Variants in PDSS2 observed in about 807,000 individuals in gnomAD.
PDSS2 encodes decaprenyl diphosphate synthase subunit 2.
PDSS2 carries 31 observed loss-of-function variants against 44.5 expected under a neutral mutation model. The ratio of observed to expected loss-of-function variants is 0.70; its 90% CI spans 0.52 to 0.94. PDSS2 has a LOEUF of 0.94. Ranked by LOEUF, PDSS2 falls within the 40% of genes least tolerant of loss-of-function variation. The probability of loss-of-function intolerance (pLI) is 0.00; values close to 1 mark genes in which losing one functional copy is unlikely to be tolerated. For missense variants in PDSS2, 452 were observed against 482.2 expected, an observed-to-expected ratio of 0.94 and a Z score of 0.59; for synonymous variants, 157 against 180.3, an observed-to-expected ratio of 0.87 and a Z score of 1.03.
rs535371119 is a variant in PDSS2 at position 107,410,863 on chromosome 6, G to A, written c.296+48127C>T. ...TGTTTCCAATTGCACAGCATTCCAC[G>A]GTTTGATGTATCTACCATGGGTTAT... On this transcript the variant is annotated intron_variant, in intron 1 of 7. Transcript: ENST00000369037. Among the ~76,000 whole-genome samples, 12 of 151,450 alleles carry A rather than the reference G, an allele frequency of 7.9e-5. No homozygotes were observed. In the South Asian group the frequency reaches 2.5e-3, roughly 32 times the overall value.
intron 2 of PDSS2, among the ~76,000 whole-genome samples, chr6:107,322,989 C>T (rs1777430033): frequency 6.6e-6 from 1 of 152,210 alleles, no homozygotes; most frequent in South Asian, 2.1e-4. Flanking sequence ...ACACCACCCA[C>T]TTTCAGGAGT....
intron 2 of PDSS2, among the ~76,000 whole-genome samples, chr6:107,299,162 A>AAG (rs1554263681): frequency 6.7e-5 from 10 of 149,754 alleles, no homozygotes; most frequent in African/African-American, 2.5e-4. Context: ...AAAAAAAAAA[A>AAG]AAAAAAAGAA....
chr6:107,210,456 T>C lies in PDSS2; in HGVS notation c.991A>G (p.Ile331Val). The change falls in exon 6 of 8, where the codon ATT (isoleucine) becomes GTT (valine). Residue 331 changes from isoleucine (I) to valine (V), a missense_variant. Physicochemically the swap from Ile to Val is conservative, Grantham distance 29. Transcript: ENST00000369037. ...HQEFLGRDLWIKQIGEAQEKG... is the reference protein window; with the variant it reads ...HQEFLGRDLWVKQIGEAQEKG... ...CATTTTACCTCTCCGATCTGTTTAA[T>C]CCACAAATCTCTTCCAAGAAATTCC... 6.2e-7 allele frequency: 1 copy of C among 1,610,084 alleles called. No individual in the cohort carries two copies. Among genetic ancestry groups the C allele is most frequent in the Middle Eastern group, 1.7e-4 (1 of 6,054 alleles).
At chr6:107,167,642 G>C (rs140099834) in intron 7 of PDSS2, among the ~76,000 whole-genome samples, 3,417 of 152,274 alleles carry the variant, frequency 0.022, 129 homozygotes, top group African/African-American at 0.076. Context: ...TCTACACACT[G>C]CTTTAAATGT....
At chr6:107,344,528 T>C (rs948290505) in intron 1 of PDSS2, among the ~76,000 whole-genome samples, 6 of 152,122 alleles carry the variant, frequency 3.9e-5, no homozygotes, top group African/African-American at 1.4e-4. Context: ...ACATCCCACC[T>C]GCATTAAATC....
At chr6:107,302,769 G>A (rs1184124689) in intron 2 of PDSS2, among the ~76,000 whole-genome samples, 3 of 150,836 alleles carry the variant, frequency 2.0e-5, no homozygotes, top group South Asian at 4.2e-4. Flanking sequence ...TATGATAGCC[G>A]TCAACTGCAT....
chr6:107,391,122 AT>A (rs57755357), intron 1 of PDSS2, among the ~76,000 whole-genome samples: 152,050 of 152,054 alleles, frequency 1, 76,023 homozygotes, highest in Middle Eastern at 1. Flanking sequence ...TTTTGCTCAC[AT>A]TTTTATATTT....
At chr6:107,223,220 C>T (rs1411255511) in intron 4 of PDSS2, among the ~76,000 whole-genome samples, 2 of 150,844 alleles carry the variant, frequency 1.3e-5, no homozygotes, top group Admixed American at 6.6e-5. Context: ...TGAACCACTG[C>T]GCTCTACAAA....
chr6:107,326,962 C>T (rs1330812209), intron 2 of PDSS2, among the ~76,000 whole-genome samples: 1 of 152,116 alleles, frequency 6.6e-6, no homozygotes, highest in Non-Finnish European at 1.5e-5. Flanking sequence ...GAAATGCCAA[C>T]GATGACTTTA....
At chr6:107,419,311 G>C (rs1780756080) in intron 1 of PDSS2, among the ~76,000 whole-genome samples, 1 of 152,136 alleles carries the variant, frequency 6.6e-6, no homozygotes, top group Non-Finnish European at 1.5e-5. Context: ...TTAGCACTGA[G>C]AGTTGCATCC....
Position 107,154,506 on chromosome 6 carries a change from A to T in PDSS2, c.*113T>A. 1 of 958,170 alleles carries T rather than the reference A, an allele frequency of 1.0e-6. No homozygotes were observed. The highest frequency in any genetic ancestry group is 1.7e-6 in the Non-Finnish European group (1 of 604,940). The allele number at this position is 958,170 out of a possible 1,614,324, so 59.4% of individuals were successfully genotyped here. On this transcript the variant is annotated 3_prime_UTR_variant, in exon 8 of 8. Coordinates refer to ENST00000369037, the MANE Select transcript of PDSS2 (RefSeq NM_020381.4). ...ACTCATTTAGCAATGTGATAAAAGG[A>T]AGGAAAAATGCATATGTTTTAAAAG...
chr6:107,394,445 G>A (rs541908037), intron 1 of PDSS2, among the ~76,000 whole-genome samples: 3 of 152,184 alleles, frequency 2.0e-5, no homozygotes, highest in South Asian at 2.1e-4. Flanking sequence ...AGCAGGGGAG[G>A]GAGGAGGTGC....
chr6:107,446,313 T>A (rs1781677821), intron 1 of PDSS2, among the ~76,000 whole-genome samples: 1 of 146,684 alleles, frequency 6.8e-6, no homozygotes, highest in Admixed American at 6.8e-5. Context: ...AGACTCCATC[T>A]AAAAAAAAAA....
intron 4 of PDSS2, among the ~76,000 whole-genome samples, chr6:107,244,068 T>C (rs1774528443): frequency 6.6e-6 from 1 of 152,036 alleles, no homozygotes; most frequent in Non-Finnish European, 1.5e-5. Context: ...GCTGAGGTTG[T>C]GGTGAGCCGA....
chr6:107,240,396 AC>A (rs1289511756), intron 4 of PDSS2, among the ~76,000 whole-genome samples: 19 of 130,864 alleles, frequency 1.5e-4, no homozygotes, highest in Non-Finnish European at 1.6e-5. Context: ...GTGAGACCCT[AC>A]CTTTTTTTTT....
chr6:107,241,360 T>G (rs1774421614), intron 4 of PDSS2, among the ~76,000 whole-genome samples: 1 of 140,628 alleles, frequency 7.1e-6, no homozygotes. Flanking sequence ...TTTTTTTTTT[T>G]TTTTTGAGAC....
In PDSS2 at chr6:107,173,572, C is replaced by CAAAAAAAAAAAAAAAAAAAAAAAAAAAAA. The variant is rs71012783; in HGVS notation, c.1042-18796_1042-18795insTTTTTTTTTTTTTTTTTTTTTTTTTTTTT. 1.4e-4 allele frequency among the ~76,000 whole-genome samples: 6 copies of CAAAAAAAAAAAAAAAAAAAAAAAAAAAAA among 41,512 alleles called. 1 individual carries two copies. Among genetic ancestry groups the CAAAAAAAAAAAAAAAAAAAAAAAAAAAAA allele is most frequent in the African/African-American group, 7.5e-4 (6 of 7,974 alleles). 27.2% of individuals were successfully genotyped at this position (41,512 alleles called of 152,430 possible). On this transcript the variant is annotated intron_variant, in intron 7 of 7. Coordinates refer to ENST00000369037, the MANE Select transcript of PDSS2 (RefSeq NM_020381.4). ...CTGGTGATGGAATGAGACTCTGTCT[C>CAAAAAAAAAAAAAAAAAAAAAAAAAAAAA]AAAAAAAAAAAAAAAAAAAAAAAAA...
intron 1 of PDSS2, among the ~76,000 whole-genome samples, chr6:107,421,313 A>G (rs1220845642): frequency 6.6e-6 from 1 of 152,198 alleles, no homozygotes; most frequent in Non-Finnish European, 1.5e-5. Flanking sequence ...TACACTTACC[A>G]TACAACCCAA....
intron 6 of PDSS2, among the ~76,000 whole-genome samples, chr6:107,203,734 T>C (rs1172850757): frequency 2.0e-5 from 3 of 152,162 alleles, no homozygotes; most frequent in Admixed American, 1.3e-4. Context: ...CACAATGTTA[T>C]GCAATCATCA....
Sources: gnomAD v4.1 joint callset for allele counts (sites outside exome capture counted in the v4.1 genomes callset) on GRCh38, gnomAD v4.1.1 for gene constraint, MANE v1.5 for transcripts, NCBI Gene and HGNC (gene_info 2026-07-23, HGNC 2026-07-21) for gene names.